NCKAP5: variants seen among roughly 807,000 people sequenced by gnomAD.
NCKAP5 encodes the protein nck-associated protein 5.
A neutral mutation model predicts 167.0 loss-of-function variants in NCKAP5; 92 were observed. The ratio of observed to expected loss-of-function variants is 0.55; its 90% confidence interval spans 0.47 to 0.66. The LOEUF (loss-of-function observed/expected upper bound fraction) is 0.66, where lower values mean the gene tolerates loss of function less well. NCKAP5 is among the 30% of genes least tolerant of loss of function. NCKAP5 has a pLI of 0.00. For synonymous variants in NCKAP5, 891 were observed against 877.4 expected (o/e 1.02, Z -0.27); for missense variants, 2,378 against 2,315.0 (o/e 1.03, Z -0.56).
intron 17 of NCKAP5, among the ~76,000 whole-genome samples, chr2:132,730,426 T>C (rs1690882629): frequency 1.3e-5 from 2 of 152,062 alleles, no homozygotes; most frequent in South Asian, 4.1e-4. Context: ...ATCCAGGAAG[T>C]GGAGGTTGCA....
intron 4 of NCKAP5, among the ~76,000 whole-genome samples, chr2:133,255,475 T>C (rs1419019169): frequency 6.6e-6 from 1 of 152,158 alleles, no homozygotes; most frequent in African/African-American, 2.4e-5. Flanking sequence ...CACTCACTTA[T>C]GTTAGTTTCC....
rs759434061 is a variant in NCKAP5, at chr2:132,784,633, T to C, written c.2178A>G (p.Ala726=). ...GIACLQPRAA[A]RDYTFFKRSE... The stretch of plus-strand genomic sequence containing the variant: ...ACCTTTTAAAGAAAGTATAGTCTCT[T>C]GCAGCAGCTCTTGGCTGTAAACAAG... Residue 726 remains alanine (A), a synonymous_variant, in exon 14 of 20, where the codon GCA becomes GCG. Transcript: ENST00000409261. 2.5e-6 allele frequency: 4 copies of C among 1,613,370 alleles called. No individual in the cohort carries two copies. In the Admixed American group the frequency reaches 6.7e-5, roughly 27 times the overall value.
intron 8 of NCKAP5, among the ~76,000 whole-genome samples, chr2:132,900,321 G>A (rs1312372915): frequency 6.6e-6 from 1 of 152,070 alleles, no homozygotes; most frequent in Non-Finnish European, 1.5e-5. Flanking sequence ...CCCTCAACCT[G>A]TGAAAAAAAT....
At chr2:133,044,953 G>T (rs2079341009) in intron 6 of NCKAP5, among the ~76,000 whole-genome samples, 1 of 151,980 alleles carries the variant, frequency 6.6e-6, no homozygotes, top group African/African-American at 2.4e-5. Context: ...TACTTGAGAG[G>T]CTGAGGCAGG....
chr2:133,198,676 A>G (rs955221638), intron 5 of NCKAP5, among the ~76,000 whole-genome samples: 2 of 152,130 alleles, frequency 1.3e-5, no homozygotes, highest in Non-Finnish European at 2.9e-5. Flanking sequence ...ATATTTGTGG[A>G]TTAAAAGATT....
At chr2:132,833,638 C>T (rs987131515) in intron 11 of NCKAP5, among the ~76,000 whole-genome samples, 3 of 152,108 alleles carry the variant, frequency 2.0e-5, no homozygotes, top group Admixed American at 6.6e-5. Flanking sequence ...CCAATGCATG[C>T]TCTTGTCAGC....
chr2:133,384,062 T>G (rs1686739447), intron 3 of NCKAP5, among the ~76,000 whole-genome samples: 1 of 152,318 alleles, frequency 6.6e-6, no homozygotes, highest in East Asian at 1.9e-4. Context: ...TTAGTTTAAT[T>G]AGATCCCATT....
the NCKAP5 span, among the ~76,000 whole-genome samples, chr2:133,652,124 G>C: frequency 6.6e-6 from 1 of 152,146 alleles, no homozygotes; most frequent in Admixed American, 6.5e-5. Flanking sequence ...GTTGTGGAAG[G>C]CACCTGATAA....
chr2:133,345,726 G>A (rs1264864508), intron 3 of NCKAP5, among the ~76,000 whole-genome samples: 1 of 152,168 alleles, frequency 6.6e-6, no homozygotes, highest in Non-Finnish European at 1.5e-5. Flanking sequence ...TCTGCTTGTG[G>A]GGTGATTTCA....
intron 5 of NCKAP5, among the ~76,000 whole-genome samples, chr2:133,181,353 A>T (rs2084724421): frequency 6.6e-6 from 1 of 152,068 alleles, no homozygotes; most frequent in African/African-American, 2.4e-5. Flanking sequence ...CTCTAAATAC[A>T]TCAAAACAGA....
intron 6 of NCKAP5, among the ~76,000 whole-genome samples, chr2:133,010,359 T>C (rs1573728752): frequency 2.0e-5 from 3 of 152,328 alleles, no homozygotes; most frequent in Admixed American, 2.0e-4. Flanking sequence ...TAGATCATTG[T>C]CAGCCCACCT....
At chr2:133,163,894 T>C (rs2083899023) in intron 5 of NCKAP5, among the ~76,000 whole-genome samples, 1 of 152,066 alleles carries the variant, frequency 6.6e-6, no homozygotes, top group Admixed American at 6.6e-5. Context: ...AAGAACCTTT[T>C]CTTGTACATC....
chr2:132,935,634 G>A (rs1428726320), intron 8 of NCKAP5, among the ~76,000 whole-genome samples: 1 of 152,122 alleles, frequency 6.6e-6, no homozygotes, highest in African/African-American at 2.4e-5. Flanking sequence ...GGTTGGGGGT[G>A]GTGGGGGACT....
chr2:132,688,060 T>C (rs1686198983), intron 19 of NCKAP5, among the ~76,000 whole-genome samples: 1 of 152,214 alleles, frequency 6.6e-6, no homozygotes, highest in Non-Finnish European at 1.5e-5. Context: ...TCCCATATGA[T>C]GATGGGATAT....
intron 6 of NCKAP5, among the ~76,000 whole-genome samples, chr2:133,116,147 T>C (rs2082074790): frequency 6.6e-6 from 1 of 152,014 alleles, no homozygotes; most frequent in Non-Finnish European, 1.5e-5. Flanking sequence ...AGTTTTAGAA[T>C]GAACTTGAAA....
intron 3 of NCKAP5, among the ~76,000 whole-genome samples, chr2:133,321,858 G>A (rs1682081010): frequency 6.6e-6 from 1 of 152,116 alleles, no homozygotes; most frequent in South Asian, 2.1e-4. Context: ...AACACAAACA[G>A]GATAGCCAGA....
rs373384379 is a variant in NCKAP5, at chr2:133,132,481, G to GCACACACACACA, written c.208-2382_208-2371dup. Among the ~76,000 whole-genome samples the GCACACACACACA allele has an allele frequency of 3.3e-3, 431 of 130,044 alleles. 3 individuals are homozygous for GCACACACACACA. The highest frequency in any genetic ancestry group is 0.012 in the African/African-American group (414 of 34,552). 85.3% of individuals were successfully genotyped at this position (130,044 alleles called of 152,430 possible). On this transcript the variant is annotated intron_variant, in intron 5 of 19. Coordinates refer to ENST00000409261, the MANE Select transcript of NCKAP5 (RefSeq NM_207363.3). ...TGCCTTTTAAAACATGAAAAAAAAA[G>GCACACACACACA]CACACACACACACACACACACACAC...
At chr2:133,595,720 C>T in the NCKAP5 span, among the ~76,000 whole-genome samples, 10 of 152,098 alleles carry the variant, frequency 6.6e-5, no homozygotes, top group African/African-American at 2.2e-4. Flanking sequence ...ATATTTCAGG[C>T]TTTGTGGGCC....
intron 11 of NCKAP5, among the ~76,000 whole-genome samples, chr2:132,848,910 C>T (rs1471727099): frequency 6.6e-6 from 1 of 152,034 alleles, no homozygotes; most frequent in Non-Finnish European, 1.5e-5. Flanking sequence ...AAGATTTGCA[C>T]TTTGAATTTA....
Sources: gnomAD v4.1 joint callset for allele counts (sites outside exome capture counted in the v4.1 genomes callset) on GRCh38, gnomAD v4.1.1 for gene constraint, MANE v1.5 for transcripts, NCBI Gene and HGNC (gene_info 2026-07-23, HGNC 2026-07-21) for gene names.